TMEM204: variants seen among roughly 807,000 people sequenced by gnomAD.
TMEM204 encodes claudin-like protein 24.
In TMEM204, 15 loss-of-function variants were observed where a neutral mutation model predicts 19.4. The ratio of observed to expected loss-of-function variants is 0.77; its 90% confidence interval spans 0.52 to 1.19. The LOEUF is 1.19. Ranked by LOEUF, TMEM204 falls within the 50% of genes most tolerant of loss-of-function variation. The pLI is 0.00. For synonymous variants in TMEM204, 161 were observed against 146.0 expected, an observed-to-expected ratio of 1.10 and a Z score of -0.74; for missense variants, 287 against 321.2, an observed-to-expected ratio of 0.89 and a Z score of 0.81.
At chr16:1,530,281 C>A (rs761272687), upstream of TMEM204, among the ~76,000 whole-genome samples, 1 of 151,682 alleles carries the variant, frequency 6.6e-6, no homozygotes, top group Non-Finnish European at 1.5e-5. Flanking sequence ...TACAGGCATG[C>A]GCCACCACAC....
rs1308084071 is a variant in TMEM204 at position 1,554,656 on chromosome 16, G to A, written c.437-126G>A. On this transcript the variant is annotated intron_variant, in intron 2 of 2. Transcript: ENST00000566264. ...GGAAGGATAAAGCAGGCTGGAACCC[G>A]CTCTAGGACAGAGGGCTGGGGAAGG... 14 of 1,395,532 alleles carry A rather than the reference G, an allele frequency of 1.0e-5. No individual in the cohort carries two copies. The East Asian group carries it at 1.6e-4, about 16-fold the overall frequency. 86.4% of individuals were successfully genotyped at this position (1,395,532 alleles called of 1,614,324 possible). A position where few individuals can be genotyped will look rare whatever the true frequency, so the allele number is the denominator to read the frequency against.
chr16:1,542,091 G>T lies in TMEM204; in HGVS notation c.436+15G>T. On this transcript the variant is annotated intron_variant, in intron 2 of 2. Transcript: ENST00000566264. ...CCAACTGGCGAGTAAGTACCTGGGC[G>T]GGTGTGGCCACCGCGCCCTTGCCCC... 2 of 1,586,984 alleles carry T rather than the reference G, an allele frequency of 1.3e-6. No homozygotes were observed. Among genetic ancestry groups the T allele is most frequent in the Admixed American group, 1.8e-5 (1 of 56,846 alleles).
At chr16:1,543,576 GACTAA>G (rs916303589) in intron 2 of TMEM204, among the ~76,000 whole-genome samples, 27 of 152,370 alleles carry the variant, frequency 1.8e-4, no homozygotes, top group African/African-American at 5.5e-4. Flanking sequence ...TCAGGCAGAT[GACTAA>G]ACTAACGTGA....
chr16:1,553,349 C>CCT lies in TMEM204; in HGVS notation c.437-1427_437-1426dup, dbSNP rs566790285. The CCT allele has an allele frequency of 1.8e-4, 175 of 985,384 alleles. No individual in the cohort carries two copies. The highest frequency in any genetic ancestry group is 1.0e-3 in the Admixed American group (17 of 16,284). 61.0% of individuals were successfully genotyped at this position (985,384 alleles called of 1,614,324 possible). A position where few individuals can be genotyped will look rare whatever the true frequency, so the allele number is the denominator to read the frequency against. Reference sequence around the variant, plus strand: ...GTCCCTGTGTCTCTTTTTCTCCCATCCTCTCTCGATGCTGGGGCCACACAG... The same window carrying CCT: ...GTCCCTGTGTCTCTTTTTCTCCCATCCTCTCTCTCGATGCTGGGGCCACACAG... On this transcript the variant is annotated intron_variant, in intron 2 of 2. Transcript: ENST00000566264. This position sits in a 1 kb window ranked among gnomAD's most constrained non-coding sequence, Gnocchi z 4.4.
upstream of TMEM204, among the ~76,000 whole-genome samples, chr16:1,530,340 C>G (rs1308740372): frequency 6.6e-6 from 1 of 151,876 alleles, no homozygotes; most frequent in African/African-American, 2.4e-5. Flanking sequence ...ATCATGTTGG[C>G]CAGGATGGTC....
Position 1,549,796 on chromosome 16 carries a change from T to C in TMEM204, c.437-4986T>C, listed in dbSNP as rs547033990. The stretch of plus-strand genomic sequence containing the variant: ...CATGACTCAGGGTTGGCCTGCCCTG[T>C]TCCCTCCTGCTTTGTGACGGTCCCT... On this transcript the variant is annotated intron_variant, in intron 2 of 2. Transcript: ENST00000566264. Among the ~76,000 whole-genome samples, 178 of 152,140 alleles carry C rather than the reference T, an allele frequency of 1.2e-3. 1 individual carries two copies. The highest frequency in any genetic ancestry group is 4.1e-4 in the Non-Finnish European group (28 of 67,990).
At chr16:1,532,622 T>C (rs544841838), upstream of TMEM204, 1 of 152,388 alleles carries the variant, frequency 6.6e-6, no homozygotes, top group Non-Finnish European at 1.5e-5. Context: ...AACAGGACTC[T>C]CTGTCCCAGC....
chr16:1,530,746 A>C (rs1321767596), upstream of TMEM204: 3 of 149,112 alleles, frequency 2.0e-5, no homozygotes, highest in Non-Finnish European at 3.0e-5. Context: ...GAGAGCCCGC[A>C]GGCCGGCCCT....
chr16:1,544,120 C>T (rs1039632320), intron 2 of TMEM204, among the ~76,000 whole-genome samples: 18 of 150,792 alleles, frequency 1.2e-4, no homozygotes, highest in African/African-American at 2.2e-4. Flanking sequence ...TGGGTTCAAG[C>T]GATTCTCCTG....
intron 1 of TMEM204, among the ~76,000 whole-genome samples, chr16:1,539,725 C>T (rs941518302): frequency 4.6e-5 from 7 of 152,260 alleles, no homozygotes; most frequent in Non-Finnish European, 7.3e-5. Flanking sequence ...GAGCGAGGGG[C>T]AGCTGCTGCC....
chr16:1,545,299 G>A (rs2032074745), intron 2 of TMEM204, among the ~76,000 whole-genome samples: 1 of 151,772 alleles, frequency 6.6e-6, no homozygotes, highest in Non-Finnish European at 1.5e-5. Flanking sequence ...CCAGGGCGAG[G>A]GCCAGCAGCA....
upstream of TMEM204, among the ~76,000 whole-genome samples, chr16:1,529,830 G>C (rs894029545): frequency 1.3e-5 from 2 of 152,188 alleles, no homozygotes; most frequent in African/African-American, 4.8e-5. Flanking sequence ...GGGGGTCCAG[G>C]GCTCCCCAGA....
At chr16:1,542,153 C>A (rs1800902478) in intron 2 of TMEM204, 77 bp downstream of exon 2, 2 of 1,425,100 alleles carry the variant, frequency 1.4e-6, no homozygotes, top group Admixed American at 2.7e-5. Flanking sequence ...GTCCTGAGGC[C>A]TTGGGTGGCC....
chr16:1,541,815 A>G, intron 1 of TMEM204, 106 bp from the exon 2 acceptor site: 1 of 1,371,342 alleles, frequency 7.3e-7, no homozygotes, highest in South Asian at 1.4e-5. Context: ...GCCTGTGCCG[A>G]CCGCCCTTTC....
Position 1,553,435 on chromosome 16 carries a change from G to A in TMEM204, c.437-1347G>A, listed in dbSNP as rs575403267. ...GGAGGCGGTTGGGAGTGGAGAGACCGGCATGAACAGACGCACAGGTGTCAA... is the reference window on the plus strand; with the variant it reads ...GGAGGCGGTTGGGAGTGGAGAGACCAGCATGAACAGACGCACAGGTGTCAA... On this transcript the variant is annotated intron_variant, in intron 2 of 2. Coordinates refer to ENST00000566264, the MANE Select transcript of TMEM204 (RefSeq NM_024600.6). This position sits in a 1 kb window ranked among gnomAD's most constrained non-coding sequence, Gnocchi z 4.4. 3.4e-4 allele frequency: 334 copies of A among 985,390 alleles called. 1 individual carries two copies. The highest frequency in any genetic ancestry group is 1.0e-3 in the Admixed American group (17 of 16,286). The allele number at this position is 985,390 out of a possible 1,614,324, so 61.0% of individuals were successfully genotyped here.
At chr16:1,554,192 C>T in intron 2 of TMEM204, 1 of 1,189,656 alleles carries the variant, frequency 8.4e-7, no homozygotes, top group South Asian at 1.3e-5. Context: ...CCTGCCTGAG[C>T]TGCAGACTCC....
At position 1,555,124 on chromosome 16, in the gene TMEM204, A is replaced by G; in HGVS notation, c.*98A>G. ...ACCAAGTCACTTCCCCTGCTCGTGC[A>G]GAGGCACGGGATGAGTCTGGGTGAC... On this transcript the variant is annotated 3_prime_UTR_variant, in exon 3 of 3. Transcript: ENST00000566264. The G allele has an allele frequency of 4.1e-6, 6 of 1,469,038 alleles. No homozygotes were observed. Among genetic ancestry groups the G allele is most frequent in the Non-Finnish European group, 4.5e-6 (5 of 1,100,254 alleles). The allele number at this position is 1,469,038 out of a possible 1,614,324, so 91.0% of individuals were successfully genotyped here. A position where few individuals can be genotyped will look rare whatever the true frequency, so the allele number is the denominator to read the frequency against.
In TMEM204 at chr16:1,551,103, T is replaced by C. The variant is rs2032598317; in HGVS notation, c.437-3679T>C. ...GCCTTTCCCGCAGCTCCACACTGCATTCTGTTCTGTTTCACGTCTACTTTG... is the reference window on the plus strand; with the variant it reads ...GCCTTTCCCGCAGCTCCACACTGCACTCTGTTCTGTTTCACGTCTACTTTG... On this transcript the variant is annotated intron_variant, in intron 2 of 2. Coordinates refer to ENST00000566264, the MANE Select transcript of TMEM204 (RefSeq NM_024600.6). This position sits in a 1 kb window ranked among gnomAD's most constrained non-coding sequence, Gnocchi z 4.0. Among the ~76,000 whole-genome samples the C allele has an allele frequency of 6.6e-6, 1 of 152,230 alleles. No homozygotes were observed. The highest frequency in any genetic ancestry group is 2.4e-5 in the African/African-American group (1 of 41,470).
At chr16:1,536,096 C>T (rs1042017839) in intron 1 of TMEM204, among the ~76,000 whole-genome samples, 1 of 152,216 alleles carries the variant, frequency 6.6e-6, no homozygotes, top group Non-Finnish European at 1.5e-5. Context: ...AGAGCACCCC[C>T]GGGGGAGGGA....
Sources: allele counts gnomAD v4.1 joint callset (sites outside exome capture counted in the v4.1 genomes callset), GRCh38; gene constraint gnomAD v4.1.1; non-coding constraint Gnocchi (gnomAD v3.1); transcripts MANE v1.5; gene names NCBI Gene and HGNC (gene_info 2026-07-23, HGNC 2026-07-21).